The following DOCK5 variants were observed in gnomAD, a reference collection of about 807,000 sequenced individuals.
DOCK5 encodes the protein dedicator of cytokinesis protein 5.
A neutral mutation model predicts 251.8 loss-of-function variants in DOCK5; 142 were observed. That is an observed-to-expected ratio of 0.56 (90% CI 0.49 to 0.65). The LOEUF (loss-of-function observed/expected upper bound fraction) is 0.65, where lower values mean the gene tolerates loss of function less well. Among genes scored for constraint, DOCK5 ranks in the 30% least tolerant of loss-of-function variants. The pLI, the probability that DOCK5 is intolerant of heterozygous loss-of-function variation, is 0.00. For missense variants in DOCK5, 2,111 were observed against 2,312.3 expected (o/e 0.91, Z 1.79); for synonymous variants, 842 against 835.5 (o/e 1.01, Z -0.13).
intron 10 of DOCK5, among the ~76,000 whole-genome samples, chr8:25,303,408 T>C (rs1007292441): frequency 2.6e-5 from 4 of 152,132 alleles, no homozygotes; most frequent in Admixed American, 2.6e-4. Context: ...TCTAGGAAAT[T>C]TACTCTTCGA....
intron 1 of DOCK5, among the ~76,000 whole-genome samples, chr8:25,208,216 G>T (rs1261711637): frequency 1.3e-5 from 2 of 152,182 alleles, no homozygotes; most frequent in African/African-American, 4.8e-5. Context: ...TCTTGAGATG[G>T]ACTCTATCTT....
intron 36 of DOCK5, 65 bp downstream of exon 36, chr8:25,373,723 T>G (rs541900076): frequency 4.1e-6 from 6 of 1,459,178 alleles, no homozygotes; most frequent in Non-Finnish European, 5.6e-6. Flanking sequence ...ATTTCTTCAG[T>G]AAACAAATAC....
rs1035555262 is a variant in DOCK5 at position 25,380,871 on chromosome 8, C to T, written c.4026+477C>T. Among the ~76,000 whole-genome samples the T allele has an allele frequency of 2.0e-5, 3 of 149,902 alleles. 1 individual carries two copies. Among genetic ancestry groups the T allele is most frequent in the Non-Finnish European group, 4.4e-5 (3 of 67,520 alleles). On this transcript the variant is annotated intron_variant, in intron 39 of 51. Transcript: ENST00000276440. Reference sequence around the variant, plus strand: ...TGCCCAGTGGAGGCAGCCACCATTCCGAATGCCCAGTGGAGGCAGCACCAT... The same window carrying T: ...TGCCCAGTGGAGGCAGCCACCATTCTGAATGCCCAGTGGAGGCAGCACCAT...
intron 2 of DOCK5, among the ~76,000 whole-genome samples, chr8:25,266,996 C>T (rs893901157): frequency 4.6e-5 from 7 of 152,132 alleles, no homozygotes; most frequent in African/African-American, 1.4e-4. Context: ...GGGCACAGAA[C>T]GATGAAAACT....
intron 5 of DOCK5, among the ~76,000 whole-genome samples, chr8:25,281,852 C>T (rs1804201704): frequency 7.3e-6 from 1 of 136,934 alleles, no homozygotes; most frequent in Admixed American, 8.3e-5. Flanking sequence ...GCACTCCAGA[C>T]TGGGAGACAG....
chr8:25,346,768 G>A (rs1800376089), intron 26 of DOCK5, among the ~76,000 whole-genome samples: 1 of 97,380 alleles, frequency 1.0e-5, no homozygotes, highest in African/African-American at 4.2e-5. Context: ...AGGTTGCAGT[G>A]AGCCAAGATT....
At chr8:25,390,505 T>TA (rs1801238731) in intron 42 of DOCK5, among the ~76,000 whole-genome samples, 1 of 152,320 alleles carries the variant, frequency 6.6e-6, no homozygotes, top group African/African-American at 2.4e-5. Flanking sequence ...ACCAAAGCCT[T>TA]ACATTTATTA....
chr8:25,338,325 G>A (rs1447550310), intron 22 of DOCK5, among the ~76,000 whole-genome samples: 2 of 152,222 alleles, frequency 1.3e-5, no homozygotes, highest in Non-Finnish European at 2.9e-5. Flanking sequence ...ACAGGCGTGA[G>A]CCACCGTGCC....
chr8:25,358,437 C>T (rs559527436), intron 27 of DOCK5, among the ~76,000 whole-genome samples: 1 of 152,266 alleles, frequency 6.6e-6, no homozygotes, highest in East Asian at 1.9e-4. Flanking sequence ...ATAATGGGAA[C>T]TACAATTCAA....
Position 25,342,470 on chromosome 8 carries a change from G to T in DOCK5, c.2580G>T (p.Met860Ile). 3.1e-6 allele frequency: 5 copies of T among 1,598,894 alleles called. No individual in the cohort carries two copies. In the South Asian group the frequency reaches 5.7e-5, roughly 18 times the overall value. The change falls in exon 25 of 52, where the codon ATG becomes ATT. Residue 860 changes from methionine (M) to isoleucine (I), a missense_variant. Transcript: ENST00000276440. ...NQLVRQKLNC[M>I]TKIVESTLFR... ...TGGTTCGGCAGAAACTTAACTGCATGACCAAGATAGTAGAGAGCACTCTTT... is the reference window on the plus strand; with the variant it reads ...TGGTTCGGCAGAAACTTAACTGCATTACCAAGATAGTAGAGAGCACTCTTT...
At chr8:25,249,395 A>G (rs1803207466) in intron 2 of DOCK5, among the ~76,000 whole-genome samples, 1 of 152,186 alleles carries the variant, frequency 6.6e-6, no homozygotes, top group South Asian at 2.1e-4. Flanking sequence ...AATTCAATGG[A>G]TATTTACTAA....
At chr8:25,317,298 C>G (rs1376772451) in intron 14 of DOCK5, 167 bp downstream of exon 14, 5 of 959,898 alleles carry the variant, frequency 5.2e-6, no homozygotes, top group Non-Finnish European at 6.1e-6. Context: ...AGCAGTTTCA[C>G]TAAGGAAGCT....
Position 25,354,413 on chromosome 8 carries a change from A to G in DOCK5, c.2850+2587A>G, listed in dbSNP as rs371578298. The stretch of plus-strand genomic sequence containing the variant: ...TACATACTTGAATTCAAATTTCCTG[A>G]GCTCCTTTTAGGAATCAAATTGCAT... On this transcript the variant is annotated intron_variant, in intron 27 of 51. Transcript: ENST00000276440. Among the ~76,000 whole-genome samples, 5 of 152,344 alleles carry G rather than the reference A, an allele frequency of 3.3e-5. No homozygotes were observed. The East Asian group carries it at 7.7e-4, about 24-fold the overall frequency.
chr8:25,342,440 C>T lies in DOCK5; in HGVS notation c.2550C>T (p.Asn850=), dbSNP rs756791974. ...AATTCATTCAAAGCATTCCTGACAA[C>T]CAGCTGGTTCGGCAGAAACTTAACT... ...FCKFIQSIPD[N]QLVRQKLNCM... The change falls in exon 25 of 52, where the codon AAC becomes AAT. Residue 850 remains asparagine (N), a synonymous_variant. Transcript: ENST00000276440. The T allele has an allele frequency of 6.2e-7, 1 of 1,601,416 alleles. No homozygotes were observed. Among genetic ancestry groups the T allele is most frequent in the Non-Finnish European group, 8.5e-7 (1 of 1,173,034 alleles).
At chr8:25,353,030 A>G (rs1435953695) in intron 27 of DOCK5, among the ~76,000 whole-genome samples, 1 of 152,154 alleles carries the variant, frequency 6.6e-6, no homozygotes, top group Non-Finnish European at 1.5e-5. Flanking sequence ...CCTGGTCAGA[A>G]CCTGTAGGGT....
chr8:25,410,702 T>TCCCCCCCCCC (rs1022530937), intron 51 of DOCK5, among the ~76,000 whole-genome samples: 2 of 134,886 alleles, frequency 1.5e-5, no homozygotes, highest in Non-Finnish European at 3.2e-5. Flanking sequence ...CCTCAAGTGA[T>TCCCCCCCCCC]CCCCCCCACC....
intron 37 of DOCK5, chr8:25,376,099 A>G (rs932340825): frequency 2.3e-6 from 2 of 870,236 alleles, no homozygotes; most frequent in African/African-American, 3.3e-5. Flanking sequence ...ACTGTGTCTC[A>G]AAAGAAAAAA....
intron 5 of DOCK5, among the ~76,000 whole-genome samples, chr8:25,291,150 G>A (rs551879398): frequency 6.6e-6 from 1 of 152,228 alleles, no homozygotes; most frequent in East Asian, 1.9e-4. Context: ...GGAGGACATT[G>A]AGACTCACTG....
intron 29 of DOCK5, 125 bp from the exon 30 acceptor site, chr8:25,364,501 C>T (rs1800741966): frequency 1.5e-6 from 1 of 660,942 alleles, no homozygotes; most frequent in Non-Finnish European, 2.7e-6. Flanking sequence ...TGCAAGGACA[C>T]TGTTAGATTA....
Sources: allele counts gnomAD v4.1 joint callset (sites outside exome capture counted in the v4.1 genomes callset), GRCh38; gene constraint gnomAD v4.1.1; transcripts MANE v1.5; gene names NCBI Gene and HGNC (gene_info 2026-07-23, HGNC 2026-07-21).